ANKRD11: variants seen among roughly 807,000 people sequenced by gnomAD.
The protein encoded by ANKRD11 is ankyrin repeat domain 11.
In ANKRD11, 17 loss-of-function variants were observed where a neutral mutation model predicts 195.7. The observed-to-expected ratio is 0.09, with a 90% CI of 0.06 to 0.13. The LOEUF (loss-of-function observed/expected upper bound fraction) is 0.13. ANKRD11 is among the 10% of genes least tolerant of loss of function. The probability of loss-of-function intolerance (pLI) is 1.00; values close to 1 mark genes in which losing one functional copy is unlikely to be tolerated. For synonymous variants in ANKRD11, 1,953 were observed against 1,528.1 expected (o/e 1.28, Z -6.49); for missense variants, 3,735 against 3,566.1 (o/e 1.05, Z -1.21).
In ANKRD11 at chr16:89,279,435, G is replaced by T. The variant is rs1430139628; in HGVS notation, c.7107C>A (p.Ala2369=). 2 of 1,515,452 alleles carry T rather than the reference G, an allele frequency of 1.3e-6. No homozygotes were observed. The highest frequency in any genetic ancestry group is 3.9e-5 in the Admixed American group (2 of 50,770). 93.9% of individuals were successfully genotyped at this position (1,515,452 alleles called of 1,614,324 possible). Residue 2369 remains alanine, a synonymous_variant, in exon 9 of 13, where the codon GCC becomes GCA. Coordinates refer to ENST00000301030, the MANE Select transcript of ANKRD11 (RefSeq NM_013275.6). The surrounding 1 kb of genome is among the most constrained non-coding windows in gnomAD (Gnocchi z 5.6). ...CGTCGTCCTCGGAGCCGCGGGCCTTGGCCCTGGTGACCGGGGCAGGGGTGG... is the reference window on the plus strand; with the variant it reads ...CGTCGTCCTCGGAGCCGCGGGCCTTTGCCCTGGTGACCGGGGCAGGGGTGG... The part of the protein sequence containing the change: ...CAPTPAPVTR[A]KARGSEDDDA...
At position 89,281,981 on chromosome 16, in the gene ANKRD11, C is replaced by T. The variant is rs1332875546; in HGVS notation, c.4561G>A (p.Glu1521Lys). The change falls in exon 9 of 13, where the codon GAG becomes AAG. Residue 1521 changes from glutamate (E) to lysine (K), a missense_variant. Glu to Lys is a moderately conservative substitution (Grantham distance 56, BLOSUM62 1). Coordinates refer to ENST00000301030, the MANE Select transcript of ANKRD11 (RefSeq NM_013275.6). This position sits in a 1 kb window ranked among gnomAD's most constrained non-coding sequence, Gnocchi z 5.5. ...PRVLKDKSRD[E>K]GPRLGDAKLK... The stretch of plus-strand genomic sequence containing the variant: ...TTGGCATCGCCGAGCCTCGGGCCCT[C>T]GTCCCTGGACTTGTCTTTGAGCACG... The T allele has an allele frequency of 3.7e-6, 6 of 1,612,846 alleles. No individual in the cohort carries two copies. The highest frequency in any genetic ancestry group is 1.3e-5 in the African/African-American group (1 of 74,946).
At chr16:89,406,086 G>T (rs147112494) in intron 2 of ANKRD11, among the ~76,000 whole-genome samples, 1 of 149,046 alleles carries the variant, frequency 6.7e-6, no homozygotes, top group Admixed American at 6.7e-5. Context: ...CTCCAGCCTG[G>T]GTGACAAAGG....
At chr16:89,445,981 C>CA (rs61463291) in intron 1 of ANKRD11, among the ~76,000 whole-genome samples, 29 of 59,292 alleles carry the variant, frequency 4.9e-4, no homozygotes, top group South Asian at 3.6e-3. Context: ...AAAACAAAAA[C>CA]AAAAAAAAAA....
rs150112000 is a variant in ANKRD11 at position 89,415,317 on chromosome 16, C to T, written c.-60+2967G>A. On this transcript the variant is annotated intron_variant, in intron 2 of 12. Transcript: ENST00000301030. Reference sequence around the variant, plus strand: ...TCTCCCTCTGTCGCCCAGGCTGGAGCGCAGTGGTGCGATCTCGGTTTACTG... The same window carrying T: ...TCTCCCTCTGTCGCCCAGGCTGGAGTGCAGTGGTGCGATCTCGGTTTACTG... Among the ~76,000 whole-genome samples the T allele has an allele frequency of 3.8e-3, 514 of 136,428 alleles. 5 individuals carry two copies. Among genetic ancestry groups the T allele is most frequent in the African/African-American group, 0.014 (483 of 35,238 alleles). The allele number at this position is 136,428 out of a possible 152,430, so 89.5% of individuals were successfully genotyped here. A position where few individuals can be genotyped will look rare whatever the true frequency, so the allele number is the denominator to read the frequency against.
chr16:89,408,486 C>T (rs1441771066), intron 2 of ANKRD11, among the ~76,000 whole-genome samples: 1 of 152,232 alleles, frequency 6.6e-6, no homozygotes, highest in Non-Finnish European at 1.5e-5. Flanking sequence ...GTGGCCGACC[C>T]AGATTCCCTC....
At chr16:89,305,460 C>A in intron 3 of ANKRD11, 116 bp from the exon 4 acceptor site, 2 of 1,415,570 alleles carry the variant, frequency 1.4e-6, no homozygotes, top group Non-Finnish European at 2.0e-6. Context: ...TGAACACCCT[C>A]CCTGCACCCC....
intron 6 of ANKRD11, 180 bp from the exon 7 acceptor site, chr16:89,288,850 T>C (rs934834212): frequency 1.1e-4 from 82 of 776,944 alleles, no homozygotes; most frequent in South Asian, 7.9e-4. Flanking sequence ...AAATTCTCTT[T>C]ACTGTGGCAC....
intron 1 of ANKRD11, among the ~76,000 whole-genome samples, chr16:89,469,283 G>A (rs979110632): frequency 5.9e-5 from 9 of 152,082 alleles, no homozygotes; most frequent in Non-Finnish European, 8.8e-5. Context: ...GTGCTGTAGC[G>A]CAATCTTGGC....
intron 1 of ANKRD11, among the ~76,000 whole-genome samples, chr16:89,435,446 C>T (rs1303006573): frequency 2.0e-5 from 3 of 152,294 alleles, no homozygotes; most frequent in African/African-American, 7.2e-5. Flanking sequence ...GCTGCTCACT[C>T]TTTGGGTCTG....
chr16:89,334,610 C>T (rs530125594), intron 2 of ANKRD11, among the ~76,000 whole-genome samples: 87 of 152,206 alleles, frequency 5.7e-4, no homozygotes, highest in African/African-American at 2.1e-3. Flanking sequence ...AGACCCTGAC[C>T]CAGAGCAAGC....
At chr16:89,407,076 C>T (rs967833400) in intron 2 of ANKRD11, among the ~76,000 whole-genome samples, 3 of 151,580 alleles carry the variant, frequency 2.0e-5, no homozygotes, top group Non-Finnish European at 4.4e-5. Flanking sequence ...ACCCCAGGTA[C>T]TCGGGAGGCT....
chr16:89,372,453 C>A (rs1388532750), intron 2 of ANKRD11, among the ~76,000 whole-genome samples: 1 of 152,156 alleles, frequency 6.6e-6, no homozygotes, highest in Non-Finnish European at 1.5e-5. Context: ...GCTCAGGGCA[C>A]CAGCTGCCCA....
At chr16:89,410,947 C>T (rs1308966032) in intron 2 of ANKRD11, among the ~76,000 whole-genome samples, 2 of 152,260 alleles carry the variant, frequency 1.3e-5, no homozygotes, top group African/African-American at 4.8e-5. Flanking sequence ...GCTCCTGCTG[C>T]CAAAGTCAAC....
intron 3 of ANKRD11, chr16:89,313,219 G>A (rs1431968352): frequency 1.7e-5 from 20 of 1,185,736 alleles, no homozygotes; most frequent in Non-Finnish European, 2.1e-5. Flanking sequence ...TGAGTGGCGT[G>A]CATGGAGCAC....
chr16:89,440,319 ATG>A (rs2043393052), intron 1 of ANKRD11, among the ~76,000 whole-genome samples: 1 of 152,204 alleles, frequency 6.6e-6, no homozygotes, highest in African/African-American at 2.4e-5. Context: ...CCACCAGAAA[ATG>A]TCTCGGTCCA....
intron 1 of ANKRD11, among the ~76,000 whole-genome samples, chr16:89,428,292 A>C (rs111461657): frequency 1.3e-5 from 2 of 151,238 alleles, no homozygotes; most frequent in Admixed American, 6.6e-5. Context: ...TTGGGAGGCC[A>C]AGGCGGGCAG....
At chr16:89,468,319 T>A (rs1244301886) in intron 1 of ANKRD11, among the ~76,000 whole-genome samples, 1 of 152,154 alleles carries the variant, frequency 6.6e-6, no homozygotes, top group Non-Finnish European at 1.5e-5. Context: ...GCAACGTGAG[T>A]GCAGCTCCTC....
At chr16:89,480,571 T>C (rs1232635274) in intron 1 of ANKRD11, among the ~76,000 whole-genome samples, 6 of 151,990 alleles carry the variant, frequency 3.9e-5, no homozygotes, top group African/African-American at 1.2e-4. Context: ...ACAGAAGATA[T>C]AAAACAAAAA....
intron 1 of ANKRD11, among the ~76,000 whole-genome samples, chr16:89,437,622 G>C (rs952716264): frequency 6.6e-6 from 1 of 152,148 alleles, no homozygotes; most frequent in African/African-American, 2.4e-5. Flanking sequence ...TGTCCAAGGG[G>C]TTTATGAAAG....
Sources: allele counts gnomAD v4.1 joint callset (sites outside exome capture counted in the v4.1 genomes callset), GRCh38; gene constraint gnomAD v4.1.1; non-coding constraint Gnocchi (gnomAD v3.1); transcripts MANE v1.5; gene names NCBI Gene and HGNC (gene_info 2026-07-23, HGNC 2026-07-21).